Variants in ANKRD30BL observed in about 807,000 individuals in gnomAD.
ANKRD30BL encodes ankyrin repeat domain 30B like.
A neutral mutation model predicts 18.4 loss-of-function variants in ANKRD30BL; 20 were observed. The observed-to-expected ratio is 1.09, with a 90% CI of 0.77 to 1.58. ANKRD30BL has a LOEUF of 1.58. ANKRD30BL is among the 40% of genes most tolerant of loss of function. The probability of loss-of-function intolerance (pLI) is 0.00; values close to 1 mark genes in which losing one functional copy is unlikely to be tolerated. For missense variants in ANKRD30BL, 224 were observed against 268.6 expected (o/e 0.83, Z 1.16); for synonymous variants, 72 against 100.9 (o/e 0.71, Z 1.72).
intron 1 of ANKRD30BL, among the ~76,000 whole-genome samples, chr2:132,193,711 C>G: frequency 6.6e-6 from 1 of 151,902 alleles, no homozygotes; most frequent in East Asian, 1.9e-4. Context: ...CATATTCTAT[C>G]ACAGATCTTT....
chr2:132,213,286 A>G (rs113851123), intron 1 of ANKRD30BL, among the ~76,000 whole-genome samples: 2 of 151,936 alleles, frequency 1.3e-5, no homozygotes, highest in Admixed American at 6.6e-5. Flanking sequence ...TTTGAGGCCT[A>G]TGGTGGAAAA....
At chr2:132,208,183 C>T (rs1014049109) in intron 1 of ANKRD30BL, among the ~76,000 whole-genome samples, 6 of 152,106 alleles carry the variant, frequency 3.9e-5, no homozygotes, top group East Asian at 1.9e-4. Flanking sequence ...AAACGTTTCT[C>T]TTTCTCTGAG....
chr2:132,234,987 C>T (rs1680115634), intron 1 of ANKRD30BL, among the ~76,000 whole-genome samples: 1 of 152,130 alleles, frequency 6.6e-6, no homozygotes, highest in Non-Finnish European at 1.5e-5. Flanking sequence ...GCTTATCCAC[C>T]ATGATCAAGT....
In ANKRD30BL at chr2:132,221,370, G is replaced by T. The variant is rs1359777691; in HGVS notation, n.441+36159C>A. Among the ~76,000 whole-genome samples, 7 of 128,184 alleles carry T rather than the reference G, an allele frequency of 5.5e-5. No homozygotes were observed. In the East Asian group the frequency reaches 1.6e-3, roughly 29 times the overall value. The allele number at this position is 128,184 out of a possible 152,430, so 84.1% of individuals were successfully genotyped here. ...AGCCGCCCAGTCCGGGAGGGGGGAG[G>T]GGGGGTCAGCCCCCTGCCCGGCCAG... On this transcript the variant is annotated intron_variant and non_coding_transcript_variant, in intron 1 of 4. Transcript: ENST00000470729.
upstream of ANKRD30BL, among the ~76,000 whole-genome samples, chr2:132,166,613 C>CT (rs1267354771): frequency 6.6e-6 from 1 of 151,740 alleles, no homozygotes; most frequent in Non-Finnish European, 1.5e-5. Context: ...ATATATTATC[C>CT]TTTTAATGTC....
upstream of ANKRD30BL, among the ~76,000 whole-genome samples, chr2:132,164,269 C>CTTTTCTTTTTTTTTTTTTT (rs1438777753): frequency 1.8e-5 from 2 of 112,226 alleles, no homozygotes; most frequent in Admixed American, 9.9e-5. Flanking sequence ...TTTTCTTTTT[C>CTTTTCTTTTTTTTTTTTTT]TTTTTTTTTT....
intron 1 of ANKRD30BL, among the ~76,000 whole-genome samples, chr2:132,221,819 G>T (rs1459591073): frequency 4.2e-5 from 5 of 117,664 alleles, no homozygotes; most frequent in Non-Finnish European, 8.5e-5. Flanking sequence ...GGAGGGAGGT[G>T]GGGGGGTCAG....
At chr2:132,224,458 G>A (rs1679786885) in intron 1 of ANKRD30BL, among the ~76,000 whole-genome samples, 1 of 151,700 alleles carries the variant, frequency 6.6e-6, no homozygotes. Flanking sequence ...GGCCTTTGTT[G>A]GAAACGGGAA....
At chr2:132,175,681 C>G (rs1333520028) in intron 1 of ANKRD30BL, among the ~76,000 whole-genome samples, 2 of 152,242 alleles carry the variant, frequency 1.3e-5, no homozygotes, top group African/African-American at 2.4e-5. Flanking sequence ...AATCCTTGGA[C>G]AATACCCGGC....
chr2:132,160,423 TTTTA>T (rs1222825232), intron 1 of ANKRD30BL, among the ~76,000 whole-genome samples: 1 of 109,260 alleles, frequency 9.2e-6, no homozygotes, highest in Non-Finnish European at 1.7e-5. Context: ...TTTTTTCAAA[TTTTA>T]TTTATTTATT....
chr2:132,188,795 A>G (rs908797893), intron 1 of ANKRD30BL, among the ~76,000 whole-genome samples: 8 of 152,194 alleles, frequency 5.3e-5, no homozygotes, highest in African/African-American at 1.9e-4. Context: ...CCTGTAACCT[A>G]GAGAATAAGG....
chr2:132,233,321 A>G (rs1680071976), intron 1 of ANKRD30BL, among the ~76,000 whole-genome samples: 1 of 149,326 alleles, frequency 6.7e-6, no homozygotes, highest in Non-Finnish European at 1.5e-5. Context: ...ACAGGATCAA[A>G]TTCACACATA....
chr2:132,246,677 T>C (rs1444631492), intron 1 of ANKRD30BL, among the ~76,000 whole-genome samples: 1 of 152,106 alleles, frequency 6.6e-6, no homozygotes, highest in Non-Finnish European at 1.5e-5. Context: ...AGAAACTTTT[T>C]TGTGATGCTT....
At chr2:132,186,696 A>G (rs1688565467) in intron 1 of ANKRD30BL, among the ~76,000 whole-genome samples, 1 of 152,176 alleles carries the variant, frequency 6.6e-6, no homozygotes, top group African/African-American at 2.4e-5. Flanking sequence ...CACAGCTTTT[A>G]TTTTCTCACA....
intron 4 of ANKRD30BL, among the ~76,000 whole-genome samples, chr2:132,154,409 T>C (rs1259313825): frequency 6.6e-6 from 1 of 152,248 alleles, no homozygotes; most frequent in Non-Finnish European, 1.5e-5. Flanking sequence ...TAATAGAAGA[T>C]AATGCAACCA....
chr2:132,168,061 C>T (rs1260385627), intron 1 of ANKRD30BL, among the ~76,000 whole-genome samples: 1 of 152,164 alleles, frequency 6.6e-6, no homozygotes, highest in Non-Finnish European at 1.5e-5. Context: ...TTTCTCTCCA[C>T]TTGAAGAACT....
At chr2:132,207,217 A>G (rs1679228319) in intron 1 of ANKRD30BL, among the ~76,000 whole-genome samples, 1 of 152,154 alleles carries the variant, frequency 6.6e-6, no homozygotes, top group African/African-American at 2.4e-5. Flanking sequence ...CTCAAGTAAC[A>G]AGACTGTGTG....
At chr2:132,227,502 T>C (rs1229946607) in intron 1 of ANKRD30BL, among the ~76,000 whole-genome samples, 1 of 151,902 alleles carries the variant, frequency 6.6e-6, no homozygotes, top group East Asian at 1.9e-4. Flanking sequence ...AATCTGCAAG[T>C]GGATATTAGG....
At chr2:132,233,927 C>T (rs201098276) in intron 1 of ANKRD30BL, among the ~76,000 whole-genome samples, 2 of 152,118 alleles carry the variant, frequency 1.3e-5, no homozygotes, top group African/African-American at 4.8e-5. Flanking sequence ...ATTGACCACA[C>T]AGTTGGAAGT....
Sources: allele counts gnomAD v4.1 joint callset (sites outside exome capture counted in the v4.1 genomes callset), GRCh38; gene constraint gnomAD v4.1.1; transcripts MANE v1.5; gene names NCBI Gene and HGNC (gene_info 2026-07-23, HGNC 2026-07-21).